CAMTA1: variants seen among roughly 807,000 people sequenced by gnomAD.
CAMTA1 encodes calmodulin binding transcription activator 1.
CAMTA1 carries 27 observed loss-of-function variants against 170.9 expected under a neutral mutation model. The observed-to-expected ratio is 0.16, with a 90% CI of 0.12 to 0.22. The LOEUF is 0.22. Among genes scored for constraint, CAMTA1 ranks in the 10% least tolerant of loss-of-function variants. CAMTA1 has a pLI of 1.00. For missense variants in CAMTA1, 1,619 were observed against 2,217.2 expected (o/e 0.73, Z 5.42); for synonymous variants, 833 against 891.5 (o/e 0.93, Z 1.17).
rs1381908210 is a variant in CAMTA1 at position 7,766,537 on chromosome 1, C to T, written c.*46C>T. On this transcript the variant is annotated 3_prime_UTR_variant, in exon 23 of 23. Coordinates refer to ENST00000303635, the MANE Select transcript of CAMTA1 (RefSeq NM_015215.4). ...TAGCAATGTGACATTGCTTTTCAGA[C>T]TGTTTTCATTTCTGTTTTTAGCAGA... 5.1e-6 allele frequency: 8 copies of T among 1,578,812 alleles called. No individual in the cohort carries two copies. The highest frequency in any genetic ancestry group is 1.1e-5 in the South Asian group (1 of 90,386).
chr1:7,428,925 G>A (rs1220124266), intron 5 of CAMTA1, among the ~76,000 whole-genome samples: 1 of 152,208 alleles, frequency 6.6e-6, no homozygotes, highest in Non-Finnish European at 1.5e-5. Flanking sequence ...CTGGTCTGCT[G>A]GCAGCGATGG....
Position 7,289,787 on chromosome 1 carries a change from T to C in CAMTA1, c.438+40161T>C, listed in dbSNP as rs542421571. 9.9e-5 allele frequency among the ~76,000 whole-genome samples: 15 copies of C among 152,236 alleles called. No homozygotes were observed. The East Asian group carries it at 2.9e-3, about 29-fold the overall frequency. On this transcript the variant is annotated intron_variant, in intron 5 of 22. Coordinates refer to ENST00000303635, the MANE Select transcript of CAMTA1 (RefSeq NM_015215.4). ...GACAGAGATAGAGACTGGAGGGATG[T>C]GTCTTCAAGCTGAGAAACACCCAGA...
intron 11 of CAMTA1, among the ~76,000 whole-genome samples, chr1:7,715,161 T>TA (rs1197592380): frequency 7.2e-5 from 11 of 151,790 alleles, no homozygotes; most frequent in Admixed American, 6.6e-4. Flanking sequence ...GGAAGGGAAA[T>TA]AAAGAGGCCC....
intron 7 of CAMTA1, among the ~76,000 whole-genome samples, chr1:7,655,411 TAC>T (rs145315260): frequency 5.4e-5 from 8 of 146,830 alleles, no homozygotes; most frequent in Non-Finnish European, 7.5e-5. Context: ...CACCCACCTA[TAC>T]ACACACACCT....
chr1:7,397,949 A>G (rs2089463100), intron 5 of CAMTA1, among the ~76,000 whole-genome samples: 1 of 151,798 alleles, frequency 6.6e-6, no homozygotes, highest in Non-Finnish European at 1.5e-5. Flanking sequence ...AGAAGAATGT[A>G]TATTCTGCAG....
intron 11 of CAMTA1, among the ~76,000 whole-genome samples, chr1:7,713,661 C>T (rs2096587913): frequency 6.6e-6 from 1 of 152,114 alleles, no homozygotes; most frequent in South Asian, 2.1e-4. Flanking sequence ...CAGAATGCAA[C>T]CTAGGAAATG....
intron 12 of CAMTA1, among the ~76,000 whole-genome samples, chr1:7,735,314 G>A (rs2096763141): frequency 6.6e-6 from 1 of 151,976 alleles, no homozygotes; most frequent in Non-Finnish European, 1.5e-5. Context: ...TGGCCAACAT[G>A]GTGAAACCCT....
chr1:7,492,923 GCAAA>G (rs2093743666), intron 6 of CAMTA1, among the ~76,000 whole-genome samples: 1 of 97,930 alleles, frequency 1.0e-5, no homozygotes, highest in Non-Finnish European at 2.1e-5. Context: ...ACACAAACCT[GCAAA>G]CACACACGCA....
chr1:7,584,742 C>G (rs7527087), intron 6 of CAMTA1, among the ~76,000 whole-genome samples: 1 of 152,102 alleles, frequency 6.6e-6, no homozygotes. Flanking sequence ...GTGTACTTAG[C>G]TAGACCAGAG....
Position 6,798,563 on chromosome 1 carries a change from G to A in CAMTA1, c.45+12988G>A, listed in dbSNP as rs112083059. ...CTCTTGGGTAGCTGGGACCACAGGC[G>A]CCCACCACCACACCTGGCTAATTTT... On this transcript the variant is annotated intron_variant, in intron 1 of 22. Coordinates refer to ENST00000303635, the MANE Select transcript of CAMTA1 (RefSeq NM_015215.4). Among the ~76,000 whole-genome samples the A allele has an allele frequency of 4.0e-3, 578 of 145,902 alleles. 4 individuals are homozygous for A. Among genetic ancestry groups the A allele is most frequent in the South Asian group, 8.3e-3 (37 of 4,472 alleles).
At chr1:7,710,303 TA>T (rs887124544) in intron 11 of CAMTA1, among the ~76,000 whole-genome samples, 1 of 152,010 alleles carries the variant, frequency 6.6e-6, no homozygotes, top group Non-Finnish European at 1.5e-5. Context: ...CTGGCTTACA[TA>T]AAAAAGGGAA....
At chr1:6,893,614 C>T (rs1026148107) in intron 3 of CAMTA1, among the ~76,000 whole-genome samples, 4 of 152,140 alleles carry the variant, frequency 2.6e-5, no homozygotes, top group African/African-American at 4.8e-5. Flanking sequence ...GGGGGTTGTG[C>T]GTTTTCATAG....
At chr1:7,355,075 G>C (rs2084991684) in intron 5 of CAMTA1, among the ~76,000 whole-genome samples, 2 of 151,972 alleles carry the variant, frequency 1.3e-5, no homozygotes, top group African/African-American at 4.8e-5. Context: ...GCATGGTGGT[G>C]GGTGCCTGTA....
intron 5 of CAMTA1, among the ~76,000 whole-genome samples, chr1:7,310,637 T>C (rs1441847026): frequency 1.2e-4 from 3 of 24,108 alleles, no homozygotes; most frequent in African/African-American, 5.3e-4. Context: ...TCTTTCTTTC[T>C]TTCTTTCTTT....
chr1:7,080,090 G>A (rs542978986), intron 3 of CAMTA1, among the ~76,000 whole-genome samples: 1 of 152,268 alleles, frequency 6.6e-6, no homozygotes, highest in East Asian at 1.9e-4. Context: ...CCATGATGCT[G>A]ATTGAAAATA....
intron 7 of CAMTA1, among the ~76,000 whole-genome samples, chr1:7,654,308 G>T (rs2095865412): frequency 6.6e-6 from 1 of 151,902 alleles, no homozygotes; most frequent in Non-Finnish European, 1.5e-5. Context: ...TGAACCCAAG[G>T]GTCGGAGGTT....
At chr1:7,655,198 C>G (rs1273857116) in intron 7 of CAMTA1, among the ~76,000 whole-genome samples, 1 of 133,086 alleles carries the variant, frequency 7.5e-6, no homozygotes, top group African/African-American at 2.9e-5. Context: ...ACACACACCC[C>G]TATACACACA....
At chr1:7,368,610 G>A (rs752599492) in intron 5 of CAMTA1, among the ~76,000 whole-genome samples, 8 of 152,144 alleles carry the variant, frequency 5.3e-5, no homozygotes, top group Non-Finnish European at 1.2e-4. Flanking sequence ...CACCCATGGC[G>A]TGGCTCTGGG....
intron 11 of CAMTA1, among the ~76,000 whole-genome samples, chr1:7,696,241 G>A (rs1189324051): frequency 2.0e-5 from 3 of 152,108 alleles, no homozygotes; most frequent in Non-Finnish European, 4.4e-5. Flanking sequence ...CTGTCACCCA[G>A]GCCAGAGTAC....
Sources: allele counts gnomAD v4.1 joint callset (sites outside exome capture counted in the v4.1 genomes callset), GRCh38; gene constraint gnomAD v4.1.1; transcripts MANE v1.5; gene names NCBI Gene and HGNC (gene_info 2026-07-23, HGNC 2026-07-21).